Variants in ZNF469 observed in about 807,000 individuals in gnomAD.
ZNF469 encodes the protein zinc finger protein 469.
A neutral mutation model predicts 1.0 loss-of-function variants in ZNF469; 1 was observed. The observed-to-expected ratio is 1.00, with a 90% CI of 0.35 to 4.73. The LOEUF is 4.73. Ranked by LOEUF, ZNF469 falls within the 30% of genes most tolerant of loss-of-function variation. The pLI is 0.16. For missense variants in ZNF469, 6,100 were observed against 5,356.3 expected (o/e 1.14, Z -4.33); for synonymous variants, 2,703 against 2,363.4 (o/e 1.14, Z -4.17).
chr16:88,149,175 C>T, the ZNF469 span, among the ~76,000 whole-genome samples: 3 of 152,192 alleles, frequency 2.0e-5, no homozygotes, highest in Admixed American at 6.5e-5. Context: ...ACCACATCAG[C>T]TGATATTGTG....
At chr16:88,228,341 C>T in the ZNF469 span, among the ~76,000 whole-genome samples, 343 of 152,370 alleles carry the variant, frequency 2.3e-3, 4 homozygotes, top group African/African-American at 7.8e-3. Context: ...CACACGGCGC[C>T]TGGCATGGGC....
At chr16:88,280,080 G>T in the ZNF469 span, among the ~76,000 whole-genome samples, 22 of 151,744 alleles carry the variant, frequency 1.4e-4, 1 homozygote, top group African/African-American at 5.4e-4. Flanking sequence ...CCGACACTCA[G>T]TCGGTACCGT....
the ZNF469 span, among the ~76,000 whole-genome samples, chr16:88,369,356 A>G: frequency 6.6e-6 from 1 of 152,350 alleles, no homozygotes; most frequent in South Asian, 2.1e-4. Flanking sequence ...CTAAAGCCCC[A>G]TTGCTTCTTC....
chr16:88,334,871 G>A, the ZNF469 span, among the ~76,000 whole-genome samples: 348 of 151,206 alleles, frequency 2.3e-3, 4 homozygotes, highest in African/African-American at 7.9e-3. Flanking sequence ...CGTGGGAGCC[G>A]TGAAGGAAGA....
At chr16:88,400,427 C>T (rs1248733074) in intron 1 of ZNF469, among the ~76,000 whole-genome samples, 2 of 152,236 alleles carry the variant, frequency 1.3e-5, no homozygotes, top group African/African-American at 4.8e-5. Flanking sequence ...TGTCAGAGCT[C>T]CTGCTGCTGC....
the ZNF469 span, among the ~76,000 whole-genome samples, chr16:88,322,084 G>C: frequency 6.6e-6 from 1 of 152,252 alleles, no homozygotes; most frequent in African/African-American, 2.4e-5. Flanking sequence ...TGGACGAGCT[G>C]GGCGGGCTGC....
rs1420971751 is a variant in ZNF469 at position 88,428,723 on chromosome 16, C to T, written c.1253C>T (p.Thr418Ile). 10 of 1,547,954 alleles carry T rather than the reference C, an allele frequency of 6.5e-6. No homozygotes were observed. Among genetic ancestry groups the T allele is most frequent in the Non-Finnish European group, 8.7e-6 (10 of 1,146,738 alleles). The change falls in exon 3 of 3, where the codon ACC becomes ATC. Residue 418 changes from threonine (T) to isoleucine (I), a missense_variant. Transcript: ENST00000565624. ...GCGTACAGAGCCAGTGGGGTGGACA[C>T]CAGCCCGGGGCCTCCGGACACCGAG... ...GQAYRASGVD[T>I]SPGPPDTELA...
At chr16:88,242,761 C>G in the ZNF469 span, among the ~76,000 whole-genome samples, 1 of 152,258 alleles carries the variant, frequency 6.6e-6, no homozygotes, top group South Asian at 2.1e-4. Flanking sequence ...CATGAGGCAT[C>G]TCCGGCACAT....
At chr16:88,123,614 T>G in the ZNF469 span, among the ~76,000 whole-genome samples, 2 of 152,314 alleles carry the variant, frequency 1.3e-5, no homozygotes, top group South Asian at 2.1e-4. Flanking sequence ...TGAGTATATG[T>G]GTGACTTTAT....
In ZNF469 at chr16:88,433,549, A is replaced by C; in HGVS notation, c.6079A>C (p.Thr2027Pro). Residue 2027 changes from threonine (T) to proline (P), a missense_variant, in exon 3 of 3, where the codon ACC (threonine) becomes CCC (proline). Physicochemically the swap from Thr to Pro is conservative, Grantham distance 38. Transcript: ENST00000565624. ...CAATGCCAGTCCCAAAACAGCGCTG[A>C]CCGGCCCCACCGAGGGTGCAGTCCT... ...SVNASPKTAL[T>P]GPTEGAVLLE... 1 of 1,550,334 alleles carries C rather than the reference A, an allele frequency of 6.5e-7. No individual in the cohort carries two copies. Among genetic ancestry groups the C allele is most frequent in the Non-Finnish European group, 8.7e-7 (1 of 1,146,918 alleles).
the ZNF469 span, among the ~76,000 whole-genome samples, chr16:88,321,778 C>A: frequency 1.3e-5 from 2 of 152,122 alleles, no homozygotes; most frequent in Admixed American, 1.3e-4. Flanking sequence ...ATGCAGCCCT[C>A]GGATTCTGTT....
chr16:88,371,383 A>G, the ZNF469 span, among the ~76,000 whole-genome samples: 1 of 152,228 alleles, frequency 6.6e-6, no homozygotes, highest in Non-Finnish European at 1.5e-5. Context: ...ACATTTACAT[A>G]GGACGTGACA....
the ZNF469 span, among the ~76,000 whole-genome samples, chr16:88,288,403 G>T: frequency 1.3e-5 from 2 of 152,080 alleles, no homozygotes; most frequent in Non-Finnish European, 1.5e-5. Context: ...TATCATATTT[G>T]CCTTTGTTCA....
the ZNF469 span, among the ~76,000 whole-genome samples, chr16:88,137,054 G>A: frequency 5.9e-5 from 9 of 152,288 alleles, no homozygotes; most frequent in African/African-American, 2.2e-4. Flanking sequence ...ATGGCTATGT[G>A]AGCATACCAC....
chr16:88,164,772 G>A, the ZNF469 span, among the ~76,000 whole-genome samples: 14 of 152,172 alleles, frequency 9.2e-5, no homozygotes, highest in Non-Finnish European at 1.9e-4. Context: ...ATCTTCACAG[G>A]GAAGCAGCTG....
the ZNF469 span, among the ~76,000 whole-genome samples, chr16:88,252,151 C>T: frequency 1.5e-5 from 2 of 134,800 alleles, no homozygotes; most frequent in Non-Finnish European, 3.4e-5. Context: ...GCACACAGAC[C>T]TTGCCCTGTG....
At chr16:88,122,477 TC>T in the ZNF469 span, among the ~76,000 whole-genome samples, 7 of 138,268 alleles carry the variant, frequency 5.1e-5, no homozygotes, top group East Asian at 4.7e-4. Flanking sequence ...CTGATCACAT[TC>T]CCGTCACTCG....
the ZNF469 span, among the ~76,000 whole-genome samples, chr16:88,195,859 C>G: frequency 6.6e-6 from 1 of 152,196 alleles, no homozygotes; most frequent in African/African-American, 2.4e-5. Flanking sequence ...CTGGTCAGGA[C>G]AGCCTCTGTG....
the ZNF469 span, among the ~76,000 whole-genome samples, chr16:88,159,725 G>A: frequency 2.0e-5 from 3 of 152,112 alleles, no homozygotes; most frequent in African/African-American, 4.8e-5. Context: ...CTGCATTCTC[G>A]GTGCTGTTTC....
Sources: gnomAD v4.1 joint callset for allele counts (sites outside exome capture counted in the v4.1 genomes callset) on GRCh38, gnomAD v4.1.1 for gene constraint, MANE v1.5 for transcripts, NCBI Gene and HGNC (gene_info 2026-07-23, HGNC 2026-07-21) for gene names.